Variants in HLCS observed in about 807,000 individuals in gnomAD.
HLCS encodes holocarboxylase synthetase.
Under a neutral mutation model 75.0 loss-of-function variants are expected in HLCS, and 53 were observed. That is an observed-to-expected ratio of 0.71 (90% CI 0.57 to 0.89). HLCS has a LOEUF of 0.89. Among genes scored for constraint, HLCS ranks in the 40% least tolerant of loss-of-function variants. HLCS has a pLI of 0.00. For missense variants in HLCS, 966 were observed against 1,074.0 expected (o/e 0.90, Z 1.41); for synonymous variants, 431 against 428.6 (o/e 1.01, Z -0.07).
At chr21:36,877,173 T>C (rs1016934049) in intron 6 of HLCS, among the ~76,000 whole-genome samples, 2 of 152,206 alleles carry the variant, frequency 1.3e-5, no homozygotes, top group East Asian at 3.8e-4. Context: ...TACTCAGGTC[T>C]TGCTTTTTAA....
At chr21:36,946,132 T>A in intron 2 of HLCS, 1 of 984,860 alleles carries the variant, frequency 1.0e-6, no homozygotes, top group South Asian at 4.7e-5. Flanking sequence ...AACCACATCA[T>A]CCCTAGTGGG....
chr21:36,788,315 G>A (rs1326219552), intron 6 of HLCS, among the ~76,000 whole-genome samples: 1 of 152,224 alleles, frequency 6.6e-6, no homozygotes, highest in Non-Finnish European at 1.5e-5. Context: ...CAAGAGTGAG[G>A]CAAACACCAA....
At chr21:36,883,667 C>T (rs1477389057) in intron 6 of HLCS, among the ~76,000 whole-genome samples, 1 of 152,152 alleles carries the variant, frequency 6.6e-6, no homozygotes, top group Non-Finnish European at 1.5e-5. Flanking sequence ...ATCAGCAGCG[C>T]TGTGTGGGGA....
At chr21:36,775,914 T>C (rs1252593257) in intron 6 of HLCS, among the ~76,000 whole-genome samples, 11 of 152,194 alleles carry the variant, frequency 7.2e-5, no homozygotes, top group Admixed American at 6.5e-4. Flanking sequence ...CACCTGGAAT[T>C]CACACCAATT....
At chr21:36,899,200 T>C (rs534673953) in intron 5 of HLCS, among the ~76,000 whole-genome samples, 1 of 152,354 alleles carries the variant, frequency 6.6e-6, no homozygotes, top group South Asian at 2.1e-4. Flanking sequence ...ACTATGTTGA[T>C]AATTATTAAA....
intron 1 of HLCS, among the ~76,000 whole-genome samples, chr21:36,985,350 C>CG (rs2069207871): frequency 6.6e-6 from 1 of 152,204 alleles, no homozygotes; most frequent in Admixed American, 6.5e-5. Context: ...AAGTCAGCCC[C>CG]GGCTGGGCGC....
intron 8 of HLCS, among the ~76,000 whole-genome samples, chr21:36,762,253 T>G (rs1222964733): frequency 1.3e-5 from 2 of 152,116 alleles, no homozygotes; most frequent in Non-Finnish European, 2.9e-5. Context: ...TGCTGGACAG[T>G]GCTGGAGGAA....
At chr21:36,768,116 A>G (rs925859671) in intron 6 of HLCS, among the ~76,000 whole-genome samples, 2 of 152,254 alleles carry the variant, frequency 1.3e-5, no homozygotes, top group Non-Finnish European at 2.9e-5. Context: ...ATTGCCGATC[A>G]GGTGCTGCGC....
intron 6 of HLCS, among the ~76,000 whole-genome samples, chr21:36,768,017 C>T (rs184728489): frequency 1.8e-4 from 28 of 152,224 alleles, no homozygotes; most frequent in Admixed American, 4.6e-4. Flanking sequence ...AAAAATCACA[C>T]AAAAACTCCC....
chr21:36,835,271 G>A (rs749657941), intron 6 of HLCS, among the ~76,000 whole-genome samples: 3 of 152,190 alleles, frequency 2.0e-5, no homozygotes, highest in African/African-American at 7.2e-5. Flanking sequence ...GTTTTATGGA[G>A]CCAAGGATCT....
intron 6 of HLCS, among the ~76,000 whole-genome samples, chr21:36,773,776 A>G (rs2060277378): frequency 6.6e-6 from 1 of 152,182 alleles, no homozygotes; most frequent in African/African-American, 2.4e-5. Context: ...TTCATTTTAA[A>G]AAAGCTGACT....
At chr21:36,865,044 C>T (rs199810138) in intron 6 of HLCS, among the ~76,000 whole-genome samples, 5 of 150,558 alleles carry the variant, frequency 3.3e-5, no homozygotes, top group African/African-American at 9.7e-5. Flanking sequence ...GAGGCTGCTC[C>T]GTCTCAGACA....
At chr21:36,976,353 C>G (rs959248790) in intron 1 of HLCS, among the ~76,000 whole-genome samples, 4 of 152,114 alleles carry the variant, frequency 2.6e-5, no homozygotes, top group Non-Finnish European at 1.5e-5. Context: ...TGTACAATAG[C>G]TGACTATCAG....
At chr21:36,950,623 C>G (rs2067626715) in intron 2 of HLCS, among the ~76,000 whole-genome samples, 1 of 133,242 alleles carries the variant, frequency 7.5e-6, no homozygotes, top group Admixed American at 8.3e-5. Context: ...GCATACGCTA[C>G]CATGCCTGGC....
chr21:36,768,170 G>T (rs1043349390), intron 6 of HLCS, among the ~76,000 whole-genome samples: 6 of 152,248 alleles, frequency 3.9e-5, no homozygotes, highest in Non-Finnish European at 7.3e-5. Context: ...CAAAGATCAG[G>T]TTTGGCCACT....
chr21:36,771,719 C>T (rs1349630431), intron 6 of HLCS, among the ~76,000 whole-genome samples: 1 of 152,152 alleles, frequency 6.6e-6, no homozygotes, highest in Admixed American at 6.5e-5. Flanking sequence ...AAAATTATGG[C>T]CGGGCGCGGT....
chr21:36,888,630 G>A lies in HLCS; in HGVS notation c.1892+8230C>T, dbSNP rs73389322. ...AAAACTAGCTCAGCAACCTAAAAGC[G>A]CCAGAAGTCACTGAGAGATAAAAGG... is the stretch of plus-strand genomic sequence containing the variant. On this transcript the variant is annotated intron_variant, in intron 6 of 10. Coordinates refer to ENST00000674895, the MANE Select transcript of HLCS (RefSeq NM_001352514.2). 7.1e-3 allele frequency among the ~76,000 whole-genome samples: 1,073 copies of A among 151,154 alleles called. 11 individuals carry two copies. Among genetic ancestry groups the A allele is most frequent in the African/African-American group, 0.025 (1,023 of 41,048 alleles).
chr21:36,799,742 C>T (rs1459721175), intron 6 of HLCS, among the ~76,000 whole-genome samples: 1 of 152,176 alleles, frequency 6.6e-6, no homozygotes, highest in Admixed American at 6.5e-5. Context: ...GTGCCAACAA[C>T]GTCCAACACA....
chr21:36,783,021 T>C (rs758714704), intron 6 of HLCS, among the ~76,000 whole-genome samples: 1 of 152,042 alleles, frequency 6.6e-6, no homozygotes, highest in African/African-American at 2.4e-5. Context: ...CAGAAACAGA[T>C]GAGAACATAT....
Sources: gnomAD v4.1 joint callset for allele counts (sites outside exome capture counted in the v4.1 genomes callset) on GRCh38, gnomAD v4.1.1 for gene constraint, MANE v1.5 for transcripts, NCBI Gene and HGNC (gene_info 2026-07-23, HGNC 2026-07-21) for gene names.